AGXT: variants seen among roughly 807,000 people sequenced by gnomAD.
AGXT encodes the protein L-alanine: glyoxylate aminotransferase 1.
AGXT carries 41 observed loss-of-function variants against 46.9 expected under a neutral mutation model. The ratio of observed to expected loss-of-function variants is 0.88; its 90% CI spans 0.68 to 1.14. The LOEUF (loss-of-function observed/expected upper bound fraction) is 1.14. AGXT is among the 50% of genes most tolerant of loss of function. AGXT has a pLI of 0.00. For missense variants in AGXT, 525 were observed against 522.7 expected, an observed-to-expected ratio of 1.00 and a Z score of -0.04; for synonymous variants, 244 against 227.9, an observed-to-expected ratio of 1.07 and a Z score of -0.64.
intron 2 of AGXT, among the ~76,000 whole-genome samples, chr2:240,870,153 G>A (rs1046076183): frequency 6.6e-6 from 1 of 152,166 alleles, no homozygotes; most frequent in Non-Finnish European, 1.5e-5. Context: ...CACAGGATAG[G>A]GCAGAGACAG....
In AGXT at chr2:240,879,554, G is replaced by A. The variant is rs4675876; in HGVS notation, c.*733G>A. On this transcript the variant is annotated 3_prime_UTR_variant, in exon 11 of 11. Coordinates refer to ENST00000307503, the MANE Select transcript of AGXT (RefSeq NM_000030.3). ...AACGGAGTTTCACTCTTGTTGCCCAGGCTGGAGTGCAGTGGCACGATCTCA... is the reference window on the plus strand; with the variant it reads ...AACGGAGTTTCACTCTTGTTGCCCAAGCTGGAGTGCAGTGGCACGATCTCA... 6.6e-6 allele frequency: 1 copy of A among 152,562 alleles called. No homozygotes were observed. The highest frequency in any genetic ancestry group is 1.5e-5 in the Non-Finnish European group (1 of 68,348). 9.5% of individuals were successfully genotyped at this position (152,562 alleles called of 1,614,324 possible). A position where few individuals can be genotyped will look rare whatever the true frequency, so the allele number is the denominator to read the frequency against.
chr2:240,878,168 G>A lies in AGXT; in HGVS notation c.1071+18G>A, dbSNP rs1007750731. ...CGGGGAAGGTGAGAGGGAGCGCCTC[G>A]AGGGCCTTTTGCAGAAACCAAACCC... On this transcript the variant is annotated intron_variant, in intron 10 of 10. Transcript: ENST00000307503. 9.9e-6 allele frequency: 16 copies of A among 1,611,594 alleles called. No homozygotes were observed. Among genetic ancestry groups the A allele is most frequent in the African/African-American group, 5.3e-5 (4 of 74,906 alleles).
chr2:240,878,661 G>T, intron 10 of AGXT, 53 bp from the exon 11 acceptor site: 1 of 1,511,068 alleles, frequency 6.6e-7, no homozygotes, highest in Non-Finnish European at 8.9e-7. Context: ...GTCGGTCAGG[G>T]TCAGGCAGGT....
intron 4 of AGXT, among the ~76,000 whole-genome samples, chr2:240,872,232 AGGT>A (rs2058994657): frequency 6.8e-6 from 1 of 147,336 alleles, no homozygotes; most frequent in Non-Finnish European, 1.5e-5. Flanking sequence ...GTGAACATGT[AGGT>A]GGAGGAGGAT....
intron 7 of AGXT, 106 bp downstream of exon 7, chr2:240,875,310 T>C: frequency 1.0e-6 from 1 of 985,916 alleles, no homozygotes. Context: ...CCCACCTTCA[T>C]GCCTCAAGAA....
Position 240,878,107 on chromosome 2 carries a change from T to TC in AGXT, c.1029dup (p.Asp344ArgfsTer3), listed in dbSNP as rs773783526. 6.2e-7 allele frequency: 1 copy of TC among 1,613,314 alleles called. No homozygotes were observed. The highest frequency in any genetic ancestry group is 2.2e-5 in the East Asian group (1 of 44,866). ...ATCGTCAGCTACGTCATAGACCACT[T>TC]CGACATTGAGATCATGGGTGGCCTT... On this transcript the variant is annotated frameshift_variant, in exon 10 of 11. Transcript: ENST00000307503. LOFTEE classifies it high-confidence loss of function.
rs751486233 is a variant in AGXT, at chr2:240,878,732, C to T, written c.1090C>T (p.Leu364=). 6.4e-7 allele frequency: 1 copy of T among 1,569,394 alleles called. No individual in the cohort carries two copies. The highest frequency in any genetic ancestry group is 8.6e-7 in the Non-Finnish European group (1 of 1,161,316). ...CCCCCAGGTGCTGCGGATCGGCCTG[C>T]TGGGCTGCAATGCCACCCGCGAGAA... ...STGKVLRIGL[L]GCNATRENVD... is the part of the protein sequence containing the mutation. Residue 364 remains leucine (L), a synonymous_variant, in exon 11 of 11, where the codon CTG becomes TTG. Transcript: ENST00000307503.
intron 9 of AGXT, 123 bp downstream of exon 9, chr2:240,877,755 G>T: frequency 8.6e-7 from 1 of 1,156,740 alleles, no homozygotes; most frequent in Non-Finnish European, 1.2e-6. Context: ...CGGTGGTGTG[G>T]CCTCGGTGCC....
chr2:240,872,692 G>A (rs2058998749), intron 4 of AGXT, among the ~76,000 whole-genome samples: 1 of 152,072 alleles, frequency 6.6e-6, no homozygotes, highest in African/African-American at 2.4e-5. Context: ...ACCCTCTTCA[G>A]CACCACTGCC....
chr2:240,877,973 G>T, intron 9 of AGXT, 49 bp from the exon 10 acceptor site: 2 of 1,602,780 alleles, frequency 1.2e-6, no homozygotes, highest in South Asian at 2.2e-5. Context: ...TGTCACAAAG[G>T]CCCGTACAGG....
At chr2:240,874,149 G>GCGGGAGGGGCGGGAGCCAGT (rs2059007858) in intron 6 of AGXT, 87 bp downstream of exon 6, 4 of 1,309,714 alleles carry the variant, frequency 3.1e-6, no homozygotes, top group Admixed American at 1.8e-5. Context: ...CGGGAGCCAG[G>GCGGGAGGGGCGGGAGCCAGT]CAGGAAGGGC....
intron 8 of AGXT, 119 bp downstream of exon 8, chr2:240,876,123 G>A: frequency 8.1e-7 from 1 of 1,238,294 alleles, no homozygotes; most frequent in South Asian, 1.3e-5. Flanking sequence ...CCAGAGAGAG[G>A]CCCTCAGTGG....
At chr2:240,874,135 G>A in intron 6 of AGXT, 73 bp downstream of exon 6, 1 of 1,480,508 alleles carries the variant, frequency 6.8e-7, no homozygotes, top group Non-Finnish European at 9.4e-7. Context: ...CGAGGCGGGA[G>A]GGGCGGGAGC....
rs1270133339 is a variant in AGXT, at chr2:240,869,358, C to T, written c.354C>T (p.Arg118=). The T allele has an allele frequency of 6.3e-7, 1 of 1,590,392 alleles. No homozygotes were observed. The highest frequency in any genetic ancestry group is 1.2e-5 in the South Asian group (1 of 86,506). ...AGCGAGCCGTGGACATCGGGGAGCG[C>T]ATAGGTAAGGGAGAGGCCCAGGTGG... ...WGQRAVDIGE[R]IGARVHPMTK... is the part of the protein sequence containing the mutation. Residue 118 remains arginine (R), a synonymous_variant, in exon 2 of 11, where the codon CGC becomes CGT. Coordinates refer to ENST00000307503, the MANE Select transcript of AGXT (RefSeq NM_000030.3).
In AGXT at chr2:240,873,057, T is replaced by C. The variant is rs2059000489; in HGVS notation, c.595+8T>C. ...TTTACATGGACCGGCAAGGTAAGGG[T>C]GGGCTCTGAGAGCCCTACCCAGCCC... On this transcript the variant is annotated splice_region_variant and intron_variant, in intron 5 of 10. Transcript: ENST00000307503. The C allele has an allele frequency of 1.9e-6, 3 of 1,612,906 alleles. No homozygotes were observed. The highest frequency in any genetic ancestry group is 2.5e-6 in the Non-Finnish European group (3 of 1,179,570).
Position 240,871,288 on chromosome 2 carries a change from G to C in AGXT, c.424-61G>C, listed in dbSNP as rs556577436. 6.3e-6 allele frequency: 9 copies of C among 1,427,716 alleles called. No individual in the cohort carries two copies. In the African/African-American group the frequency reaches 1.1e-4, roughly 18 times the overall value. The allele number at this position is 1,427,716 out of a possible 1,614,324, so 88.4% of individuals were successfully genotyped here. ...GAGCTGTGCCACCCATGGGGGGTTTGTGGGGGTGTTCTGGCCCCTGCCCCT... is the reference window on the plus strand; with the variant it reads ...GAGCTGTGCCACCCATGGGGGGTTTCTGGGGGTGTTCTGGCCCCTGCCCCT... On this transcript the variant is annotated intron_variant, in intron 3 of 10. Coordinates refer to ENST00000307503, the MANE Select transcript of AGXT (RefSeq NM_000030.3).
intron 6 of AGXT, among the ~76,000 whole-genome samples, chr2:240,874,614 G>A (rs147769411): frequency 3.2e-4 from 49 of 152,330 alleles, no homozygotes; most frequent in Non-Finnish European, 6.5e-4. Flanking sequence ...GGTGTTGGAC[G>A]TGGGAGGTCT....
intron 9 of AGXT, 103 bp downstream of exon 9, chr2:240,877,735 G>A (rs2059034998): frequency 7.5e-7 from 1 of 1,331,276 alleles, no homozygotes; most frequent in South Asian, 1.3e-5. Flanking sequence ...AGAAGGAGGG[G>A]GCGGCTGCCC....
At chr2:240,877,503 A>C in intron 8 of AGXT, 34 bp from the exon 9 acceptor site, 1 of 1,525,806 alleles carries the variant, frequency 6.6e-7, no homozygotes, top group Non-Finnish European at 8.9e-7. Flanking sequence ...CACCCCACCC[A>C]TGTCACTGCC....
Sources: gnomAD v4.1 joint callset for allele counts (sites outside exome capture counted in the v4.1 genomes callset) on GRCh38, gnomAD v4.1.1 for gene constraint, MANE v1.5 for transcripts, NCBI Gene and HGNC (gene_info 2026-07-23, HGNC 2026-07-21) for gene names.